CDK19: variants seen among roughly 807,000 people sequenced by gnomAD.
CDK19 encodes the protein cyclin dependent kinase 19, also known as cyclin-dependent kinase 19.
CDK19 carries 20 observed loss-of-function variants against 68.3 expected under a neutral mutation model. The ratio of observed to expected loss-of-function variants is 0.29; its 90% confidence interval spans 0.21 to 0.43. The LOEUF is 0.43. Among genes scored for constraint, CDK19 ranks in the 20% least tolerant of loss-of-function variants. CDK19 has a pLI of 1.00. For missense variants in CDK19, 339 were observed against 623.5 expected (o/e 0.54, Z 4.86); for synonymous variants, 221 against 222.8 (o/e 0.99, Z 0.07).
chr6:110,638,877 A>G (rs180710779), intron 4 of CDK19, among the ~76,000 whole-genome samples, 171 bp from the exon 5 acceptor site: 1 of 152,352 alleles, frequency 6.6e-6, no homozygotes, highest in African/African-American at 2.4e-5. Flanking sequence ...TGAAGTCAGC[A>G]CTAACTTTAT....
chr6:110,643,208 G>C, intron 4 of CDK19: 1 of 1,287,142 alleles, frequency 7.8e-7, no homozygotes, highest in African/African-American at 1.5e-5. Flanking sequence ...GGCCTGACGA[G>C]TAAAACAATA....
At chr6:110,694,077 A>G (rs1773269809) in intron 2 of CDK19, among the ~76,000 whole-genome samples, 1 of 147,554 alleles carries the variant, frequency 6.8e-6, no homozygotes, top group African/African-American at 2.7e-5. Flanking sequence ...ACACAATGAA[A>G]AAAAAAAAAA....
At chr6:110,804,272 G>A (rs1782524699) in intron 1 of CDK19, among the ~76,000 whole-genome samples, 1 of 152,032 alleles carries the variant, frequency 6.6e-6, no homozygotes, top group East Asian at 1.9e-4. Context: ...TACACAATAG[G>A]TTTAAAGCCT....
intron 2 of CDK19, among the ~76,000 whole-genome samples, chr6:110,745,920 G>C (rs1190809614): frequency 6.6e-6 from 1 of 152,098 alleles, no homozygotes; most frequent in Non-Finnish European, 1.5e-5. Flanking sequence ...GTGGACTCCA[G>C]CCTGGGCAAC....
At chr6:110,618,617 C>G (rs978060686) in intron 12 of CDK19, among the ~76,000 whole-genome samples, 5 of 152,218 alleles carry the variant, frequency 3.3e-5, no homozygotes, top group Non-Finnish European at 7.3e-5. Flanking sequence ...CCTCAGCCCA[C>G]TGGTATCAAA....
intron 6 of CDK19, among the ~76,000 whole-genome samples, chr6:110,628,645 G>A (rs1779246898): frequency 6.6e-6 from 1 of 152,154 alleles, no homozygotes; most frequent in East Asian, 1.9e-4. Context: ...CCCTGGGGGG[G>A]TCTTGGGACA....
At chr6:110,630,311 C>T (rs961671473) in intron 6 of CDK19, among the ~76,000 whole-genome samples, 3 of 152,256 alleles carry the variant, frequency 2.0e-5, no homozygotes, top group African/African-American at 7.2e-5. Context: ...ATTGCATCCT[C>T]TTCTCCCTTC....
intron 6 of CDK19, among the ~76,000 whole-genome samples, chr6:110,627,787 C>A (rs1779184326): frequency 6.6e-6 from 1 of 152,180 alleles, no homozygotes; most frequent in African/African-American, 2.4e-5. Flanking sequence ...GCGTAATACA[C>A]AGATCTGATA....
At chr6:110,782,652 A>G (rs546358636) in intron 1 of CDK19, among the ~76,000 whole-genome samples, 1 of 152,312 alleles carries the variant, frequency 6.6e-6, no homozygotes, top group East Asian at 1.9e-4. Context: ...GCATGTTATG[A>G]CAAACATGTA....
At chr6:110,713,199 A>AC (rs1483542891) in intron 2 of CDK19, among the ~76,000 whole-genome samples, 1 of 151,064 alleles carries the variant, frequency 6.6e-6, no homozygotes, top group Admixed American at 6.6e-5. Context: ...CCATCTCAAA[A>AC]AAAAAAAAAA....
intron 1 of CDK19, among the ~76,000 whole-genome samples, chr6:110,791,995 G>A (rs545477054): frequency 2.0e-5 from 3 of 148,462 alleles, no homozygotes; most frequent in South Asian, 2.1e-4. Flanking sequence ...TTTTTGAGAC[G>A]GAGTCCCATT....
intron 2 of CDK19, among the ~76,000 whole-genome samples, chr6:110,671,153 T>C (rs1239752776): frequency 6.6e-6 from 1 of 152,042 alleles, no homozygotes; most frequent in Non-Finnish European, 1.5e-5. Context: ...GAACAGGTCC[T>C]GTAAACAGAA....
intron 1 of CDK19, among the ~76,000 whole-genome samples, chr6:110,758,173 A>G (rs1307847506): frequency 6.6e-6 from 1 of 152,154 alleles, no homozygotes; most frequent in Non-Finnish European, 1.5e-5. Flanking sequence ...CCTGAGCTAC[A>G]GAGCAAGACC....
intron 2 of CDK19, among the ~76,000 whole-genome samples, chr6:110,740,227 G>A (rs1463568253): frequency 2.0e-5 from 3 of 151,826 alleles, no homozygotes; most frequent in East Asian, 1.9e-4. Context: ...TCTCATAATC[G>A]CAAAACAAAT....
intron 1 of CDK19, among the ~76,000 whole-genome samples, chr6:110,779,354 T>A (rs555315056): frequency 6.6e-6 from 1 of 152,150 alleles, no homozygotes; most frequent in Non-Finnish European, 1.5e-5. Flanking sequence ...ACTCACCCTA[T>A]ACACAGGCAT....
At chr6:110,658,108 TTG>T (rs1263990156) in intron 4 of CDK19, among the ~76,000 whole-genome samples, 1 of 152,190 alleles carries the variant, frequency 6.6e-6, no homozygotes, top group Non-Finnish European at 1.5e-5. Context: ...GTAAGAAACA[TTG>T]TGTCTGATCT....
At chr6:110,809,287 G>C (rs572924777) in intron 1 of CDK19, among the ~76,000 whole-genome samples, 56 of 151,788 alleles carry the variant, frequency 3.7e-4, no homozygotes, top group African/African-American at 1.3e-3. Flanking sequence ...GGCTGAAGCA[G>C]AAGGATCACT....
intron 2 of CDK19, among the ~76,000 whole-genome samples, chr6:110,684,091 A>G (rs999889369): frequency 6.6e-6 from 1 of 152,122 alleles, no homozygotes; most frequent in African/African-American, 2.4e-5. Context: ...CACAATTTAA[A>G]TATGAAAAAT....
chr6:110,690,995 A>G (rs921242494), intron 2 of CDK19, among the ~76,000 whole-genome samples: 20 of 152,220 alleles, frequency 1.3e-4, no homozygotes, highest in African/African-American at 4.8e-4. Context: ...ACAAAAGATT[A>G]CACTAGCCCT....
Sources: allele counts gnomAD v4.1 joint callset (sites outside exome capture counted in the v4.1 genomes callset), GRCh38; gene constraint gnomAD v4.1.1; transcripts MANE v1.5; gene names NCBI Gene and HGNC (gene_info 2026-07-23, HGNC 2026-07-21).